GLDN: variants seen among roughly 807,000 people sequenced by gnomAD.
GLDN encodes the protein gliomedin.
A neutral mutation model predicts 56.5 loss-of-function variants in GLDN; 47 were observed. The observed-to-expected ratio is 0.83, with a 90% CI of 0.66 to 1.06. The LOEUF (loss-of-function observed/expected upper bound fraction) is 1.06. Among genes scored for constraint, GLDN ranks in the 50% least tolerant of loss-of-function variants. The pLI is 0.00. For missense variants in GLDN, 782 were observed against 714.3 expected (o/e 1.09, Z -1.08); for synonymous variants, 332 against 278.8 (o/e 1.19, Z -1.90).
chr15:51,371,988 A>G (rs2037526770), intron 1 of GLDN, among the ~76,000 whole-genome samples: 1 of 152,080 alleles, frequency 6.6e-6, no homozygotes, highest in African/African-American at 2.4e-5. Context: ...CCTGGCCAGG[A>G]ATTTATCTTT....
chr15:51,360,179 A>G (rs4774586), intron 1 of GLDN: 26,955 of 152,136 alleles, frequency 0.18, 2,898 homozygotes, highest in Admixed American at 0.27. Context: ...AGAGATCAGG[A>G]GGAGCAGGCT....
chr15:51,407,792 C>T lies in GLDN; in HGVS notation c.*3038C>T, dbSNP rs1009818484. On this transcript the variant is annotated 3_prime_UTR_variant, in exon 10 of 10. Coordinates refer to ENST00000335449, the MANE Select transcript of GLDN (RefSeq NM_181789.4). ...TGTCATCTTCCAACCACACAGAGGA[C>T]GTTTTGGCTATGATCATCTGATGGC... is the stretch of plus-strand genomic sequence containing the variant. 2.0e-5 allele frequency: 3 copies of T among 152,170 alleles called. No homozygotes were observed. The highest frequency in any genetic ancestry group is 1.9e-4 in the East Asian group (1 of 5,200). The allele number at this position is 152,170 out of a possible 1,614,324, so 9.4% of individuals were successfully genotyped here.
intron 2 of GLDN, among the ~76,000 whole-genome samples, chr15:51,379,854 T>A (rs1219359968): frequency 6.6e-6 from 1 of 152,164 alleles, no homozygotes; most frequent in South Asian, 2.1e-4. Flanking sequence ...GAAAAAGGCT[T>A]TCTTCTTTCT....
At chr15:51,362,726 C>T (rs1428051923) in intron 1 of GLDN, among the ~76,000 whole-genome samples, 2 of 152,080 alleles carry the variant, frequency 1.3e-5, no homozygotes, top group African/African-American at 4.8e-5. Context: ...TGAGAATAGA[C>T]TTTGTGGGTG....
At chr15:51,347,992 G>T (rs1401523599) in intron 1 of GLDN, among the ~76,000 whole-genome samples, 3 of 152,174 alleles carry the variant, frequency 2.0e-5, no homozygotes, top group East Asian at 1.9e-4. Flanking sequence ...ACTAATCAAA[G>T]AAATTAACAA....
Position 51,404,893 on chromosome 15 carries a change from C to G in GLDN, c.*139C>G. On this transcript the variant is annotated 3_prime_UTR_variant, in exon 10 of 10. Coordinates refer to ENST00000335449, the MANE Select transcript of GLDN (RefSeq NM_181789.4). ...AAGTGTTTATATGGTCAGTGAGCCC[C>G]GCTTAGTGAAATAGCAACAGATTGG... The G allele has an allele frequency of 1.5e-6, 1 of 646,220 alleles. No homozygotes were observed. The highest frequency in any genetic ancestry group is 2.8e-6 in the Non-Finnish European group (1 of 363,082). 40.0% of individuals were successfully genotyped at this position (646,220 alleles called of 1,614,324 possible). A position where few individuals can be genotyped will look rare whatever the true frequency, so the allele number is the denominator to read the frequency against.
At chr15:51,365,981 C>G (rs774027737) in intron 1 of GLDN, among the ~76,000 whole-genome samples, 34 of 152,194 alleles carry the variant, frequency 2.2e-4, no homozygotes, top group Admixed American at 3.3e-4. Context: ...AGTTGCAGGA[C>G]TCACAAATAG....
chr15:51,370,821 A>G (rs1259468342), intron 1 of GLDN, among the ~76,000 whole-genome samples: 2 of 151,956 alleles, frequency 1.3e-5, no homozygotes, highest in Non-Finnish European at 2.9e-5. Flanking sequence ...GTGAAATCTC[A>G]TCTCTACTAA....
At chr15:51,401,140 G>T (rs960842856) in intron 8 of GLDN, among the ~76,000 whole-genome samples, 2 of 152,210 alleles carry the variant, frequency 1.3e-5, no homozygotes, top group African/African-American at 4.8e-5. Context: ...TTGGGAACCT[G>T]GTAATAACTG....
chr15:51,372,720 C>G (rs747102977), intron 1 of GLDN, among the ~76,000 whole-genome samples: 1 of 152,176 alleles, frequency 6.6e-6, no homozygotes, highest in Admixed American at 6.5e-5. Context: ...GATGTGCTTT[C>G]CCACTTGAAC....
intron 1 of GLDN, among the ~76,000 whole-genome samples, chr15:51,357,360 G>T (rs74016726): frequency 3.9e-5 from 6 of 152,274 alleles, no homozygotes; most frequent in Non-Finnish European, 2.9e-5. Context: ...AAGACTTCTC[G>T]TCTCATTTCT....
intron 1 of GLDN, among the ~76,000 whole-genome samples, chr15:51,350,693 G>A (rs1174726193): frequency 2.6e-5 from 4 of 152,190 alleles, no homozygotes; most frequent in African/African-American, 7.2e-5. Context: ...GGTGCACAAG[G>A]AAGACAGGAG....
chr15:51,383,404 G>C (rs376501672), intron 2 of GLDN, 32 bp from the exon 3 acceptor site: 2 of 1,613,212 alleles, frequency 1.2e-6, no homozygotes, highest in African/African-American at 1.3e-5. Context: ...GTTCGGTGCT[G>C]GTTTCTCAAC....
intron 1 of GLDN, among the ~76,000 whole-genome samples, chr15:51,355,137 G>A (rs1318588191): frequency 6.6e-6 from 1 of 152,216 alleles, no homozygotes; most frequent in Non-Finnish European, 1.5e-5. Flanking sequence ...AGAATAAAGT[G>A]AAAGCAAGCT....
chr15:51,354,221 T>C (rs189058221), intron 1 of GLDN, among the ~76,000 whole-genome samples: 1 of 152,314 alleles, frequency 6.6e-6, no homozygotes, highest in Admixed American at 6.5e-5. Context: ...CTAGGCTCTA[T>C]ATAAAAACTG....
At chr15:51,397,629 C>T (rs2038164171) in intron 6 of GLDN, 31 bp downstream of exon 6, 1 of 1,524,200 alleles carries the variant, frequency 6.6e-7, no homozygotes, top group African/African-American at 1.4e-5. Context: ...GGGCCCACCT[C>T]TTCTGTCAAT....
chr15:51,392,263 C>T lies in GLDN; in HGVS notation c.542-2572C>T, dbSNP rs1307362247. On this transcript the variant is annotated intron_variant, in intron 4 of 9. Coordinates refer to ENST00000335449, the MANE Select transcript of GLDN (RefSeq NM_181789.4). ...ACTGGGCCGTACAGCAGGAGGTGAG[C>T]GGCAGATGATTGAGCAAAGCTTCAT... Among the ~76,000 whole-genome samples the T allele has an allele frequency of 1.6e-4, 25 of 152,292 alleles. No individual in the cohort carries two copies. In the South Asian group the frequency reaches 1.7e-3, roughly 10 times the overall value.
At chr15:51,368,083 C>G (rs893272983) in intron 1 of GLDN, among the ~76,000 whole-genome samples, 2 of 152,178 alleles carry the variant, frequency 1.3e-5, no homozygotes, top group Admixed American at 1.3e-4. Flanking sequence ...TTTCTGTAAA[C>G]AAAGTGACTG....
chr15:51,364,911 A>G (rs998685910), intron 1 of GLDN, among the ~76,000 whole-genome samples: 1 of 152,180 alleles, frequency 6.6e-6, no homozygotes, highest in Non-Finnish European at 1.5e-5. Flanking sequence ...TAAGTTCCAC[A>G]TGGCTGACCA....
Sources: allele counts gnomAD v4.1 joint callset (sites outside exome capture counted in the v4.1 genomes callset), GRCh38; gene constraint gnomAD v4.1.1; transcripts MANE v1.5; gene names NCBI Gene and HGNC (gene_info 2026-07-23, HGNC 2026-07-21).